Variants in TNPO1 observed in about 807,000 individuals in gnomAD.
TNPO1 encodes the protein transportin-1.
TNPO1 carries 8 observed loss-of-function variants against 119.5 expected under a neutral mutation model. The ratio of observed to expected loss-of-function variants is 0.07; its 90% CI spans 0.04 to 0.12. TNPO1 has a LOEUF of 0.12. TNPO1 is among the 10% of genes least tolerant of loss of function. The pLI is 1.00. For synonymous variants in TNPO1, 362 were observed against 363.0 expected, an observed-to-expected ratio of 1.00 and a Z score of 0.03; for missense variants, 576 against 1,089.8, an observed-to-expected ratio of 0.53 and a Z score of 6.64.
chr5:72,854,078 A>G (rs931960908), intron 3 of TNPO1, among the ~76,000 whole-genome samples: 2 of 152,236 alleles, frequency 1.3e-5, no homozygotes, highest in African/African-American at 4.8e-5. Flanking sequence ...TCTCGTAAAC[A>G]AAGTCATGCC....
chr5:72,897,202 A>AT, intron 20 of TNPO1, 51 bp downstream of exon 20: 1 of 1,324,376 alleles, frequency 7.6e-7, no homozygotes, highest in Non-Finnish European at 1.1e-6. Flanking sequence ...TTGCCTTTTA[A>AT]TTTTAATATG....
rs74871414 is a variant in TNPO1 at position 72,854,511 on chromosome 5, A to G, written c.206-1263A>G. Among the ~76,000 whole-genome samples, 1,259 of 152,324 alleles carry G rather than the reference A, an allele frequency of 8.3e-3. 14 individuals are homozygous for G. The highest frequency in any genetic ancestry group is 0.029 in the African/African-American group (1,193 of 41,574). ...ACAATAACATTCTGTTCAACATGCC[A>G]GCTCTTCATCTTATAGCCCTTTGAG... On this transcript the variant is annotated intron_variant, in intron 3 of 24. Coordinates refer to ENST00000337273, the MANE Select transcript of TNPO1 (RefSeq NM_002270.4).
intron 1 of TNPO1, among the ~76,000 whole-genome samples, chr5:72,847,460 C>G (rs1260719303): frequency 2.6e-5 from 4 of 152,166 alleles, no homozygotes; most frequent in Admixed American, 2.6e-4. Context: ...TGGTTGTTTG[C>G]TCAGATCTTT....
At position 72,893,276 on chromosome 5, in the gene TNPO1, T is replaced by G. The variant is rs773623067; in HGVS notation, c.1896+30T>G. 10 of 1,607,484 alleles carry G rather than the reference T, an allele frequency of 6.2e-6. No individual in the cohort carries two copies. In the South Asian group the frequency reaches 8.9e-5, roughly 14 times the overall value. On this transcript the variant is annotated intron_variant, in intron 16 of 24. Coordinates refer to ENST00000337273, the MANE Select transcript of TNPO1 (RefSeq NM_002270.4). Reference sequence around the variant, plus strand: ...TTTTTTTAAAATGTCTTCCTCTTCTTGACATGGTGGACATTTTTCTAAAGA... The same window carrying G: ...TTTTTTTAAAATGTCTTCCTCTTCTGGACATGGTGGACATTTTTCTAAAGA...
At chr5:72,868,432 A>C (rs1191992570) in intron 6 of TNPO1, among the ~76,000 whole-genome samples, 1 of 48,180 alleles carries the variant, frequency 2.1e-5, no homozygotes. Flanking sequence ...ACTCCGTCTC[A>C]AAAAAAAAAA....
intron 1 of TNPO1, among the ~76,000 whole-genome samples, chr5:72,832,823 G>A (rs564208448): frequency 1.3e-5 from 2 of 152,234 alleles, no homozygotes; most frequent in Admixed American, 6.5e-5. Context: ...TCTGTTGTCC[G>A]TAAAGAGGTG....
chr5:72,822,187 C>T (rs143813716), intron 1 of TNPO1, among the ~76,000 whole-genome samples: 1 of 152,260 alleles, frequency 6.6e-6, no homozygotes, highest in East Asian at 1.9e-4. Context: ...TTTTAAAGCA[C>T]TCTACATCGA....
rs937651582 is a variant in TNPO1 at position 72,903,619 on chromosome 5, T to C, written c.2515-90T>C. 41 of 805,164 alleles carry C rather than the reference T, an allele frequency of 5.1e-5. No individual in the cohort carries two copies. In the Admixed American group the frequency reaches 5.8e-4, roughly 11 times the overall value. The allele number at this position is 805,164 out of a possible 1,614,324, so 49.9% of individuals were successfully genotyped here. ...GTTTCCTTTTTTAAGCTAGATTCTA[T>C]TGTGACATAAACTCTGAGGTTTACA... On this transcript the variant is annotated intron_variant, in intron 22 of 24. Transcript: ENST00000337273.
At chr5:72,831,933 C>T (rs1001684058) in intron 1 of TNPO1, among the ~76,000 whole-genome samples, 2 of 151,968 alleles carry the variant, frequency 1.3e-5, no homozygotes, top group African/African-American at 4.8e-5. Flanking sequence ...ATACTTTTCA[C>T]GTCATTACAG....
At chr5:72,862,881 C>G (rs1201579844) in intron 5 of TNPO1, among the ~76,000 whole-genome samples, 1 of 152,068 alleles carries the variant, frequency 6.6e-6, no homozygotes, top group Non-Finnish European at 1.5e-5. Context: ...CTCCTGGACT[C>G]AAATGATCCA....
chr5:72,878,127 A>G (rs1217295717), intron 9 of TNPO1, among the ~76,000 whole-genome samples: 1 of 152,116 alleles, frequency 6.6e-6, no homozygotes, highest in East Asian at 1.9e-4. Flanking sequence ...TACATAAATG[A>G]CGATTATATA....
chr5:72,872,827 A>G, intron 7 of TNPO1, 107 bp downstream of exon 7: 4 of 555,726 alleles, frequency 7.2e-6, no homozygotes, highest in Non-Finnish European at 1.2e-5. Flanking sequence ...AATCATTTAT[A>G]ATTCTAAACT....
chr5:72,881,547 G>A (rs1404015697), intron 9 of TNPO1, among the ~76,000 whole-genome samples: 4 of 152,302 alleles, frequency 2.6e-5, no homozygotes, highest in South Asian at 4.1e-4. Context: ...GTTGGCTATA[G>A]AAATCTGTGG....
At chr5:72,859,445 T>C (rs1746261323) in intron 4 of TNPO1, among the ~76,000 whole-genome samples, 1 of 152,228 alleles carries the variant, frequency 6.6e-6, no homozygotes. Context: ...TTTGTATTTC[T>C]TAGCATCTAC....
chr5:72,840,380 T>C (rs760824923), intron 1 of TNPO1, among the ~76,000 whole-genome samples: 1 of 152,136 alleles, frequency 6.6e-6, no homozygotes, highest in East Asian at 1.9e-4. Flanking sequence ...TGAGATCATG[T>C]ATTTAAAGAA....
intron 14 of TNPO1, 86 bp downstream of exon 14, chr5:72,890,043 G>GT: frequency 6.8e-7 from 1 of 1,469,836 alleles, no homozygotes; most frequent in Non-Finnish European, 9.3e-7. Flanking sequence ...AAATTAAGAT[G>GT]TTTTGGGAGA....
chr5:72,894,012 C>A (rs989510620), intron 18 of TNPO1, among the ~76,000 whole-genome samples: 1 of 152,176 alleles, frequency 6.6e-6, no homozygotes, highest in Non-Finnish European at 1.5e-5. Flanking sequence ...TTAATAGATT[C>A]TTTTTTGAGT....
At chr5:72,816,930 C>A in intron 1 of TNPO1, 178 bp downstream of exon 1, 1 of 653,070 alleles carries the variant, frequency 1.5e-6, no homozygotes, top group South Asian at 2.7e-5. Context: ...AACAGCTGCC[C>A]GCCCAGGCGC....
In TNPO1 at chr5:72,910,414, G is replaced by A. The variant is rs1750482858; in HGVS notation, c.*1741G>A. ...CTTGATCTTGTGTTCATATGAAAGT[G>A]CAAGTCTTTATTAATTTGGATTGCC... is the stretch of plus-strand genomic sequence containing the variant. On this transcript the variant is annotated 3_prime_UTR_variant, in exon 25 of 25. Transcript: ENST00000337273. 6.6e-6 allele frequency: 1 copy of A among 152,528 alleles called. No homozygotes were observed. The highest frequency in any genetic ancestry group is 2.4e-5 in the African/African-American group (1 of 41,434). The allele number at this position is 152,528 out of a possible 1,614,324, so 9.4% of individuals were successfully genotyped here.
Sources: gnomAD v4.1 joint callset for allele counts (sites outside exome capture counted in the v4.1 genomes callset) on GRCh38, gnomAD v4.1.1 for gene constraint, MANE v1.5 for transcripts, NCBI Gene and HGNC (gene_info 2026-07-23, HGNC 2026-07-21) for gene names.